The following PBX4 variants were observed in gnomAD, a reference collection of about 807,000 sequenced individuals.
PBX4 encodes PBX homeobox 4.
PBX4 carries 26 observed loss-of-function variants against 35.1 expected under a neutral mutation model. The observed-to-expected ratio is 0.74, with a 90% CI of 0.54 to 1.03. PBX4 has a LOEUF of 1.03. PBX4 is among the 50% of genes least tolerant of loss of function. The pLI, the probability that PBX4 is intolerant of heterozygous loss-of-function variation, is 0.00. For missense variants in PBX4, 448 were observed against 504.3 expected, an observed-to-expected ratio of 0.89 and a Z score of 1.07; for synonymous variants, 199 against 204.2, an observed-to-expected ratio of 0.97 and a Z score of 0.22.
At chr19:19,592,787 G>A (rs1009693033) in intron 2 of PBX4, among the ~76,000 whole-genome samples, 1 of 152,190 alleles carries the variant, frequency 6.6e-6, no homozygotes, top group African/African-American at 2.4e-5. Flanking sequence ...TAGACCCTGC[G>A]CTGGCCAGGA....
intron 5 of PBX4, among the ~76,000 whole-genome samples, chr19:19,568,809 T>C (rs970455370): frequency 2.1e-5 from 3 of 143,808 alleles, no homozygotes; most frequent in East Asian, 4.3e-4. Flanking sequence ...GTTCACACTC[T>C]GTCTGTAACC....
At chr19:19,588,080 A>G (rs1041606504) in intron 2 of PBX4, 28 of 825,608 alleles carry the variant, frequency 3.4e-5, no homozygotes, top group African/African-American at 2.6e-4. Flanking sequence ...GGAAGGGGCC[A>G]CTTACCAATC....
chr19:19,565,113 G>A (rs201447024), intron 5 of PBX4, 24 bp from the exon 6 acceptor site: 2 of 1,613,870 alleles, frequency 1.2e-6, no homozygotes, highest in Non-Finnish European at 1.7e-6. Context: ...GGAGTCACTG[G>A]AGGAGCTGAC....
At chr19:19,578,383 G>A (rs2061433584) in intron 2 of PBX4, among the ~76,000 whole-genome samples, 1 of 152,054 alleles carries the variant, frequency 6.6e-6, no homozygotes, top group South Asian at 2.1e-4. Context: ...TGTGCTCCCC[G>A]TACACTGATG....
intron 2 of PBX4, among the ~76,000 whole-genome samples, chr19:19,596,471 C>A (rs142753101): frequency 6.6e-6 from 1 of 151,926 alleles, no homozygotes; most frequent in African/African-American, 2.4e-5. Context: ...TGTGTGCGCA[C>A]GTGTGTGTGT....
intron 1 of PBX4, 66 bp downstream of exon 1, chr19:19,618,445 T>C (rs552382497): frequency 7.6e-7 from 1 of 1,318,562 alleles, no homozygotes. Context: ...CCACGCCCCG[T>C]CCCCTCAGCC....
At chr19:19,577,703 AC>A (rs1337599226) in intron 2 of PBX4, among the ~76,000 whole-genome samples, 1 of 151,972 alleles carries the variant, frequency 6.6e-6, no homozygotes, top group Non-Finnish European at 1.5e-5. Flanking sequence ...TACTAAAAAT[AC>A]AAAAATTAGC....
At chr19:19,566,859 G>C (rs917859223) in intron 5 of PBX4, among the ~76,000 whole-genome samples, 2 of 152,122 alleles carry the variant, frequency 1.3e-5, no homozygotes, top group Non-Finnish European at 2.9e-5. Context: ...GCAGGCATGT[G>C]CCACCAAGCC....
At chr19:19,565,584 C>T (rs920276143) in intron 5 of PBX4, among the ~76,000 whole-genome samples, 2 of 152,122 alleles carry the variant, frequency 1.3e-5, no homozygotes. Flanking sequence ...AGGATAAGCA[C>T]TTCTCATATA....
Position 19,585,047 on chromosome 19 carries a change from C to A in PBX4, c.194-14214G>T, listed in dbSNP as rs187954730. Among the ~76,000 whole-genome samples, 160 of 152,114 alleles carry A rather than the reference C, an allele frequency of 1.1e-3. 1 individual carries two copies. Among genetic ancestry groups the A allele is most frequent in the African/African-American group, 3.7e-3 (154 of 41,394 alleles). ...GAACTGCCTGGCTTTACCTTTTAGG[C>A]CACATCCCACAGGTTAGTTCATTTA... On this transcript the variant is annotated intron_variant, in intron 2 of 7. Coordinates refer to ENST00000251203, the MANE Select transcript of PBX4 (RefSeq NM_025245.3).
chr19:19,588,290 C>G lies in PBX4; in HGVS notation c.193+11002G>C, dbSNP rs555196975. ...TAGTTACATTCATCACATATGCACA[C>G]CAGAGTGCAGGGACGCACATAGGAG... On this transcript the variant is annotated intron_variant, in intron 2 of 7. Coordinates refer to ENST00000251203, the MANE Select transcript of PBX4 (RefSeq NM_025245.3). 528 of 1,159,860 alleles carry G rather than the reference C, an allele frequency of 4.6e-4. 4 individuals are homozygous for G. In the South Asian group the frequency reaches 6.1e-3, roughly 13 times the overall value. The allele number at this position is 1,159,860 out of a possible 1,614,324, so 71.8% of individuals were successfully genotyped here.
intron 2 of PBX4, among the ~76,000 whole-genome samples, chr19:19,586,174 G>A (rs978301401): frequency 6.6e-6 from 1 of 152,120 alleles, no homozygotes; most frequent in African/African-American, 2.4e-5. Context: ...AGCACTTTGA[G>A]GGGCTGAGAC....
At chr19:19,565,640 G>T (rs188245557) in intron 5 of PBX4, among the ~76,000 whole-genome samples, 2 of 152,024 alleles carry the variant, frequency 1.3e-5, no homozygotes, top group African/African-American at 4.8e-5. Context: ...TTTTTTGGCC[G>T]GGCGTGGTGG....
rs550623127 is a variant in PBX4, at chr19:19,580,882, G to A, written c.194-10049C>T. Among the ~76,000 whole-genome samples, 23 of 152,334 alleles carry A rather than the reference G, an allele frequency of 1.5e-4. No individual in the cohort carries two copies. The South Asian group carries it at 2.1e-3, about 14-fold the overall frequency. On this transcript the variant is annotated intron_variant, in intron 2 of 7. Coordinates refer to ENST00000251203, the MANE Select transcript of PBX4 (RefSeq NM_025245.3). ...TGAGTAGCTGGGACTACAGGCATGC[G>A]CCACCCTGCCCAGCTAATTTTTATA...
intron 2 of PBX4, among the ~76,000 whole-genome samples, chr19:19,596,154 G>A (rs1237898174): frequency 6.6e-6 from 1 of 152,088 alleles, no homozygotes; most frequent in Non-Finnish European, 1.5e-5. Flanking sequence ...CACTTTGGGA[G>A]GCTGAGGCGG....
At chr19:19,599,174 G>T in intron 2 of PBX4, 118 bp downstream of exon 2, 1 of 782,374 alleles carries the variant, frequency 1.3e-6, no homozygotes, top group Non-Finnish European at 2.1e-6. Context: ...TCTCCATGTT[G>T]GTCAGGCTGG....
intron 1 of PBX4, among the ~76,000 whole-genome samples, chr19:19,616,779 G>A (rs2061691245): frequency 6.7e-6 from 1 of 149,700 alleles, no homozygotes; most frequent in South Asian, 2.1e-4. Context: ...CGCCTCCCAG[G>A]TTCCAGTGAT....
chr19:19,588,587 C>T (rs566800944), intron 2 of PBX4, among the ~76,000 whole-genome samples: 2 of 151,448 alleles, frequency 1.3e-5, no homozygotes, highest in Admixed American at 1.3e-4. Flanking sequence ...ATTTTTTCAT[C>T]TGAAGAAATG....
intron 1 of PBX4, among the ~76,000 whole-genome samples, chr19:19,617,742 T>C (rs2061695563): frequency 6.6e-6 from 1 of 152,140 alleles, no homozygotes; most frequent in Non-Finnish European, 1.5e-5. Flanking sequence ...CCCACTCCTC[T>C]ACTAACCCTT....
Sources: allele counts gnomAD v4.1 joint callset (sites outside exome capture counted in the v4.1 genomes callset), GRCh38; gene constraint gnomAD v4.1.1; transcripts MANE v1.5; gene names NCBI Gene and HGNC (gene_info 2026-07-23, HGNC 2026-07-21).